Variants in ZFPM2 observed in about 807,000 individuals in gnomAD.
ZFPM2 encodes zinc finger protein, FOG family member 2.
Under a neutral mutation model 98.6 loss-of-function variants are expected in ZFPM2, and 20 were observed. That is an observed-to-expected ratio of 0.20 (90% confidence interval 0.14 to 0.29). ZFPM2 has a LOEUF of 0.29. Ranked by LOEUF, ZFPM2 falls within the 10% of genes least tolerant of loss-of-function variation. ZFPM2 has a pLI of 1.00. For missense variants in ZFPM2, 1,310 were observed against 1,388.6 expected, an observed-to-expected ratio of 0.94 and a Z score of 0.90; for synonymous variants, 518 against 502.7, an observed-to-expected ratio of 1.03 and a Z score of -0.41.
chr8:105,537,802 C>T (rs1338052370), intron 3 of ZFPM2, among the ~76,000 whole-genome samples: 1 of 151,990 alleles, frequency 6.6e-6, no homozygotes, highest in Admixed American at 6.6e-5. Flanking sequence ...ACAATTTCGG[C>T]TCACTGCAAC....
intron 5 of ZFPM2, among the ~76,000 whole-genome samples, chr8:105,703,269 C>G (rs1018885699): frequency 1.3e-5 from 2 of 152,156 alleles, no homozygotes; most frequent in African/African-American, 4.8e-5. Flanking sequence ...TGGCACTGCA[C>G]TTAGTGCTAT....
chr8:105,579,105 A>G (rs1815530143), intron 4 of ZFPM2, among the ~76,000 whole-genome samples: 1 of 152,292 alleles, frequency 6.6e-6, no homozygotes, highest in African/African-American at 2.4e-5. Context: ...AATGTAATTA[A>G]AGGTGCTACA....
chr8:105,648,583 G>T (rs944034590), intron 5 of ZFPM2, among the ~76,000 whole-genome samples: 8 of 152,170 alleles, frequency 5.3e-5, no homozygotes, highest in Non-Finnish European at 1.2e-4. Flanking sequence ...TCCAGTTTCA[G>T]CTTTCCACAT....
At chr8:105,398,175 A>C (rs929220529) in intron 1 of ZFPM2, among the ~76,000 whole-genome samples, 1 of 152,216 alleles carries the variant, frequency 6.6e-6, no homozygotes, top group Non-Finnish European at 1.5e-5. Context: ...GCTCAGTTCT[A>C]GCAAACTTGG....
At chr8:105,609,162 G>T (rs1179331767) in intron 4 of ZFPM2, among the ~76,000 whole-genome samples, 1 of 152,122 alleles carries the variant, frequency 6.6e-6, no homozygotes, top group Non-Finnish European at 1.5e-5. Flanking sequence ...GGGGAGCGAG[G>T]TTAATTGGGA....
chr8:105,574,790 C>T (rs765260642), intron 4 of ZFPM2, among the ~76,000 whole-genome samples: 4 of 151,082 alleles, frequency 2.6e-5, no homozygotes, highest in African/African-American at 4.9e-5. Context: ...ATCCTAATCT[C>T]GGATGCGGCA....
At chr8:105,774,764 G>A (rs1338693817) in intron 5 of ZFPM2, among the ~76,000 whole-genome samples, 5 of 152,120 alleles carry the variant, frequency 3.3e-5, no homozygotes, top group African/African-American at 1.2e-4. Context: ...CCTTTTCCTA[G>A]TTTCTTTCTT....
chr8:105,448,503 T>A (rs1255284095), intron 3 of ZFPM2, among the ~76,000 whole-genome samples: 1 of 152,058 alleles, frequency 6.6e-6, no homozygotes, highest in Non-Finnish European at 1.5e-5. Flanking sequence ...TGTAACATCA[T>A]GCTGTCTGTA....
At chr8:105,333,957 C>A (rs1812279481) in intron 1 of ZFPM2, among the ~76,000 whole-genome samples, 1 of 151,570 alleles carries the variant, frequency 6.6e-6, no homozygotes. Context: ...CACATAGACT[C>A]TTTTTTCACT....
At chr8:105,444,595 G>A (rs191274861) in intron 3 of ZFPM2, among the ~76,000 whole-genome samples, 5 of 152,128 alleles carry the variant, frequency 3.3e-5, no homozygotes, top group Admixed American at 6.5e-5. Flanking sequence ...TGAAGTTTCT[G>A]TCATTTTTTT....
chr8:105,465,904 G>A (rs1049051516), intron 3 of ZFPM2, among the ~76,000 whole-genome samples: 2 of 151,886 alleles, frequency 1.3e-5, no homozygotes, highest in Admixed American at 6.6e-5. Flanking sequence ...GGAAAATTTG[G>A]ATAGACAAAA....
chr8:105,538,829 T>C (rs775956759), intron 3 of ZFPM2, among the ~76,000 whole-genome samples: 1 of 152,088 alleles, frequency 6.6e-6, no homozygotes, highest in Non-Finnish European at 1.5e-5. Context: ...CTGGGCAGCA[T>C]TGGGAAACCC....
At chr8:105,428,079 G>A (rs181118556) in intron 2 of ZFPM2, among the ~76,000 whole-genome samples, 9 of 152,248 alleles carry the variant, frequency 5.9e-5, no homozygotes, top group African/African-American at 2.2e-4. Flanking sequence ...CATTGTTGGT[G>A]CTTAATAAAA....
rs373889296 is a variant in ZFPM2, at chr8:105,740,000, G to A, written c.533-48718G>A. On this transcript the variant is annotated intron_variant, in intron 5 of 7. Transcript: ENST00000407775. ...CTAACCTCAGAAATTACTTAAAAAT[G>A]CTCCTTAATACTGTGACAGTCAGGC... Among the ~76,000 whole-genome samples the A allele has an allele frequency of 1.7e-3, 252 of 151,990 alleles. 1 individual carries two copies. Among genetic ancestry groups the A allele is most frequent in the South Asian group, 5.8e-3 (28 of 4,812 alleles).
chr8:105,410,610 A>AT (rs761414804), intron 1 of ZFPM2, among the ~76,000 whole-genome samples: 3 of 151,920 alleles, frequency 2.0e-5, no homozygotes, highest in Non-Finnish European at 4.4e-5. Flanking sequence ...CATATAGGGT[A>AT]TTATACACTA....
chr8:105,478,756 G>T (rs1421886256), intron 3 of ZFPM2, among the ~76,000 whole-genome samples: 3 of 152,158 alleles, frequency 2.0e-5, no homozygotes, highest in Non-Finnish European at 2.9e-5. Flanking sequence ...ACTGTCTCTG[G>T]TCATTCTGCT....
At chr8:105,611,383 G>A (rs1350870350) in intron 4 of ZFPM2, among the ~76,000 whole-genome samples, 1 of 152,182 alleles carries the variant, frequency 6.6e-6, no homozygotes, top group Admixed American at 6.6e-5. Flanking sequence ...CAGTCAGATT[G>A]CCTTCCTACT....
intron 3 of ZFPM2, among the ~76,000 whole-genome samples, chr8:105,524,452 G>A (rs1028416737): frequency 6.6e-6 from 1 of 151,356 alleles, no homozygotes; most frequent in African/African-American, 2.4e-5. Context: ...AAACATTCTT[G>A]GGTGTGTGTG....
intron 5 of ZFPM2, among the ~76,000 whole-genome samples, chr8:105,701,494 G>A (rs532500565): frequency 6.6e-6 from 1 of 152,130 alleles, no homozygotes; most frequent in African/African-American, 2.4e-5. Flanking sequence ...AAGCAATCTT[G>A]TATAATCAAG....
Sources: allele counts gnomAD v4.1 joint callset (sites outside exome capture counted in the v4.1 genomes callset), GRCh38; gene constraint gnomAD v4.1.1; transcripts MANE v1.5; gene names NCBI Gene and HGNC (gene_info 2026-07-23, HGNC 2026-07-21).